Variants in IQCM observed in about 807,000 individuals in gnomAD.
IQCM encodes the protein IQ domain-containing protein M.
Under a neutral mutation model 57.6 loss-of-function variants are expected in IQCM, and 45 were observed. The ratio of observed to expected loss-of-function variants is 0.78; its 90% CI spans 0.62 to 1.00. The LOEUF (loss-of-function observed/expected upper bound fraction) is 1.00. IQCM is among the 50% of genes least tolerant of loss of function. The probability of loss-of-function intolerance (pLI) is 0.00; values close to 1 mark genes in which losing one functional copy is unlikely to be tolerated. For missense variants in IQCM, 468 were observed against 511.6 expected (o/e 0.91, Z 0.82); for synonymous variants, 148 against 158.9 (o/e 0.93, Z 0.51).
At chr4:149,368,837 TATATACATATATATAC>T in intron 13 of IQCM, among the ~76,000 whole-genome samples, 1 of 82,984 alleles carries the variant, frequency 1.2e-5, no homozygotes, top group Admixed American at 1.2e-4. Flanking sequence ...TACATGTATA[TATATACATATATATAC>T]ATGTATATAT....
chr4:149,726,251 C>G (rs950958908), intron 5 of IQCM, among the ~76,000 whole-genome samples: 1 of 152,144 alleles, frequency 6.6e-6, no homozygotes, highest in Non-Finnish European at 1.5e-5. Context: ...AACCCCAACA[C>G]TTTCGGTCCC....
chr4:149,516,760 G>T (rs1038683854), intron 12 of IQCM, among the ~76,000 whole-genome samples: 1 of 151,856 alleles, frequency 6.6e-6, no homozygotes, highest in Non-Finnish European at 1.5e-5. Context: ...CGTTCTGCTT[G>T]CCTAGAAGTC....
At chr4:149,682,315 C>T (rs1762237070) in intron 6 of IQCM, 109 bp from the exon 7 acceptor site, 3 of 416,972 alleles carry the variant, frequency 7.2e-6, no homozygotes, top group African/African-American at 6.2e-5. Context: ...AACCACTTGT[C>T]TCTGGTCAAC....
At chr4:149,758,939 A>T (rs553112630) in intron 2 of IQCM, among the ~76,000 whole-genome samples, 1 of 149,900 alleles carries the variant, frequency 6.7e-6, no homozygotes, top group Admixed American at 6.7e-5. Context: ...ATCCAGCTAT[A>T]GCACTCCTTA....
chr4:149,652,290 C>A (rs971988817), intron 7 of IQCM, among the ~76,000 whole-genome samples: 1 of 151,804 alleles, frequency 6.6e-6, no homozygotes. Flanking sequence ...ATGCCAGGGC[C>A]TGTTGAGGGG....
chr4:149,685,424 C>T (rs1762478068), intron 6 of IQCM, among the ~76,000 whole-genome samples: 1 of 151,344 alleles, frequency 6.6e-6, no homozygotes, highest in African/African-American at 2.4e-5. Flanking sequence ...TAATATCTTC[C>T]CTTATCATGG....
At chr4:149,475,525 A>T (rs867441712) in intron 12 of IQCM, among the ~76,000 whole-genome samples, 19 of 152,264 alleles carry the variant, frequency 1.2e-4, no homozygotes, top group Middle Eastern at 6.8e-3. Context: ...CATATACAGC[A>T]TATAAATGAT....
chr4:149,413,843 A>C (rs925490608), intron 13 of IQCM, among the ~76,000 whole-genome samples: 6 of 152,210 alleles, frequency 3.9e-5, no homozygotes, highest in African/African-American at 1.4e-4. Flanking sequence ...TGTTAAATTC[A>C]CTGAAATGTT....
chr4:149,550,416 A>G (rs1368536789), intron 11 of IQCM, among the ~76,000 whole-genome samples: 40 of 152,230 alleles, frequency 2.6e-4, no homozygotes, highest in Admixed American at 2.6e-3. Flanking sequence ...AACAAAAAGA[A>G]TATCACCTTT....
chr4:149,736,427 G>A (rs1766951417), intron 3 of IQCM, among the ~76,000 whole-genome samples: 1 of 152,138 alleles, frequency 6.6e-6, no homozygotes, highest in Admixed American at 6.6e-5. Flanking sequence ...AGTGGATCCT[G>A]ACACTTATAA....
chr4:149,448,733 A>G (rs1232571218), intron 12 of IQCM, among the ~76,000 whole-genome samples: 1 of 151,800 alleles, frequency 6.6e-6, no homozygotes, highest in East Asian at 1.9e-4. Context: ...AACAACTTTG[A>G]TAAAATTGAC....
chr4:149,359,392 T>C (rs957491227), intron 13 of IQCM, among the ~76,000 whole-genome samples: 3 of 152,204 alleles, frequency 2.0e-5, no homozygotes, highest in Non-Finnish European at 2.9e-5. Context: ...TTTAGCCTTA[T>C]ATTTTTTGCT....
intron 12 of IQCM, among the ~76,000 whole-genome samples, chr4:149,487,988 G>A (rs938208408): frequency 6.6e-6 from 1 of 152,078 alleles, no homozygotes; most frequent in Non-Finnish European, 1.5e-5. Flanking sequence ...CCAGCAGGGG[G>A]TTAGGGGGAT....
At chr4:149,511,957 T>C (rs1042031691) in intron 12 of IQCM, among the ~76,000 whole-genome samples, 1 of 152,236 alleles carries the variant, frequency 6.6e-6, no homozygotes, top group Non-Finnish European at 1.5e-5. Context: ...ATTTATTGTA[T>C]ACCTCCTTTG....
At chr4:149,482,732 A>T (rs1741043342) in intron 12 of IQCM, among the ~76,000 whole-genome samples, 1 of 151,094 alleles carries the variant, frequency 6.6e-6, no homozygotes, top group South Asian at 2.1e-4. Context: ...ATTGGCCTGA[A>T]GTTTTCTTTT....
At chr4:149,515,687 T>C (rs902161910) in intron 12 of IQCM, among the ~76,000 whole-genome samples, 1 of 152,226 alleles carries the variant, frequency 6.6e-6, no homozygotes, top group African/African-American at 2.4e-5. Context: ...CTCTGAGCAG[T>C]ACACTTGGTT....
chr4:149,566,515 CGAGAGAGA>C (rs144416069), intron 9 of IQCM, among the ~76,000 whole-genome samples: 2 of 146,674 alleles, frequency 1.4e-5, no homozygotes, highest in African/African-American at 2.5e-5. Context: ...TACACATGTA[CGAGAGAGA>C]GAGAGAGAGA....
chr4:149,606,813 C>G (rs371155135), intron 8 of IQCM, among the ~76,000 whole-genome samples: 105 of 151,992 alleles, frequency 6.9e-4, no homozygotes, highest in African/African-American at 2.4e-3. Context: ...ATTGCTCAAG[C>G]AGGACAAATA....
chr4:149,641,983 A>T (rs1174069224), intron 7 of IQCM, among the ~76,000 whole-genome samples: 3 of 152,144 alleles, frequency 2.0e-5, no homozygotes, highest in African/African-American at 4.8e-5. Context: ...AACCAACATT[A>T]ATACCTTGTC....
Sources: allele counts gnomAD v4.1 joint callset (sites outside exome capture counted in the v4.1 genomes callset), GRCh38; gene constraint gnomAD v4.1.1; transcripts MANE v1.5; gene names NCBI Gene and HGNC (gene_info 2026-07-23, HGNC 2026-07-21).